PTPRK: variants seen among roughly 807,000 people sequenced by gnomAD.
The protein encoded by PTPRK is receptor-type tyrosine-protein phosphatase kappa.
A neutral mutation model predicts 178.0 loss-of-function variants in PTPRK; 75 were observed. That is an observed-to-expected ratio of 0.42 (90% CI 0.35 to 0.51). The LOEUF (loss-of-function observed/expected upper bound fraction) is 0.51, where lower values mean the gene tolerates loss of function less well. PTPRK is among the 20% of genes least tolerant of loss of function. The pLI is 0.02. For missense variants in PTPRK, 1,441 were observed against 1,797.8 expected, an observed-to-expected ratio of 0.80 and a Z score of 3.59; for synonymous variants, 637 against 620.6, an observed-to-expected ratio of 1.03 and a Z score of -0.39.
At position 128,005,195 on chromosome 6, in the gene PTPRK, T is replaced by C; in HGVS notation, c.2383A>G (p.Met795Val). 1.2e-6 allele frequency: 2 copies of C among 1,611,582 alleles called. No individual in the cohort carries two copies. The highest frequency in any genetic ancestry group is 1.7e-6 in the Non-Finnish European group (2 of 1,178,530). The change falls in exon 15 of 30, where the codon ATG becomes GTG. Residue 795 changes from methionine to valine, a missense_variant. By Grantham distance (21) the Met-to-Val change is conservative. This residue lies in a region of PTPRK where 945 missense variants were observed against 1,080.6 expected (regional missense o/e 0.87). Transcript: ENST00000368226. ...TCCATTGCATTCACCATGTGAGTCA[T>C]CTCCTGCCGGGTATTCCCCATGGCA... The part of the protein sequence containing the change: ...KDAMGNTRQE[M>V]THMVNAMDRS...
intron 3 of PTPRK, among the ~76,000 whole-genome samples, chr6:128,304,374 A>G (rs142575669): frequency 6.6e-6 from 1 of 152,334 alleles, no homozygotes; most frequent in African/African-American, 2.4e-5. Context: ...GTTTCATTAT[A>G]TCATACAGAA....
In PTPRK at chr6:127,977,047, C is replaced by T; in HGVS notation, c.3719G>A (p.Arg1240Lys). ...TGTGACGATGAAAGCAGCTGGTTGC[C>T]TGTAGCTCTGTGAAGAAACAAGGTA... ...YINAALMDSY[R>K]QPAAFIVTQY... Residue 1240 changes from arginine (R) to lysine (K), a missense_variant, in exon 26 of 30, where the codon AGG (arginine) becomes AAG (lysine). By Grantham distance (26) the Arg-to-Lys change is conservative. This residue lies in a region of PTPRK where 335 missense variants were observed against 512.4 expected (regional missense o/e 0.65). Transcript: ENST00000368226. The T allele has an allele frequency of 1.2e-6, 2 of 1,613,816 alleles. No individual in the cohort carries two copies. Among genetic ancestry groups the T allele is most frequent in the Non-Finnish European group, 1.7e-6 (2 of 1,179,842 alleles).
intron 7 of PTPRK, among the ~76,000 whole-genome samples, chr6:128,112,703 T>C (rs1409887313): frequency 6.6e-6 from 1 of 152,088 alleles, no homozygotes; most frequent in Non-Finnish European, 1.5e-5. Flanking sequence ...AAAATATCTC[T>C]AGGGGAAGAG....
chr6:128,456,883 G>A (rs1435724218), intron 1 of PTPRK, among the ~76,000 whole-genome samples: 2 of 152,012 alleles, frequency 1.3e-5, no homozygotes, highest in Non-Finnish European at 2.9e-5. Flanking sequence ...CCTCTTTAAA[G>A]GTAAGTCTAA....
chr6:128,324,729 C>T (rs753750489), intron 2 of PTPRK, among the ~76,000 whole-genome samples: 10 of 152,092 alleles, frequency 6.6e-5, no homozygotes, highest in Non-Finnish European at 1.3e-4. Flanking sequence ...AGGAAGAAAG[C>T]ACTAGCACCA....
intron 7 of PTPRK, among the ~76,000 whole-genome samples, chr6:128,115,857 T>C (rs1178414937): frequency 6.6e-6 from 1 of 152,060 alleles, no homozygotes; most frequent in Non-Finnish European, 1.5e-5. Context: ...TACATCCTTC[T>C]TTTACTCTCC....
At chr6:128,502,037 C>G (rs988673279) in intron 1 of PTPRK, among the ~76,000 whole-genome samples, 1 of 152,140 alleles carries the variant, frequency 6.6e-6, no homozygotes. Flanking sequence ...ATTGGGTGCT[C>G]TTGTGAGCCA....
intron 3 of PTPRK, among the ~76,000 whole-genome samples, chr6:128,284,567 A>G (rs2128304108): frequency 6.6e-6 from 1 of 152,330 alleles, no homozygotes; most frequent in African/African-American, 2.4e-5. Flanking sequence ...TTTGCAGCAA[A>G]ACTCCTAAAG....
chr6:128,319,016 CAT>C (rs1181668535), intron 3 of PTPRK, among the ~76,000 whole-genome samples: 1 of 152,094 alleles, frequency 6.6e-6, no homozygotes, highest in Non-Finnish European at 1.5e-5. Context: ...GTTCTGAACA[CAT>C]AGGTGAAAAA....
At chr6:128,038,268 G>A (rs1302619850) in intron 13 of PTPRK, among the ~76,000 whole-genome samples, 4 of 151,736 alleles carry the variant, frequency 2.6e-5, no homozygotes, top group African/African-American at 9.7e-5. Flanking sequence ...GATGACATTT[G>A]TCTTACTGTC....
At chr6:128,246,672 G>T (rs141885361) in intron 3 of PTPRK, among the ~76,000 whole-genome samples, 1,541 of 152,328 alleles carry the variant, frequency 0.01, 98 homozygotes, top group Admixed American at 0.093. Context: ...CTAATGCTCA[G>T]GTCAGATCTA....
At chr6:128,349,348 T>C (rs1254390999) in intron 2 of PTPRK, among the ~76,000 whole-genome samples, 2 of 152,094 alleles carry the variant, frequency 1.3e-5, no homozygotes, top group African/African-American at 4.8e-5. Flanking sequence ...CCCTGGATAG[T>C]GGTTTATAAT....
intron 7 of PTPRK, among the ~76,000 whole-genome samples, chr6:128,130,577 C>A (rs964845039): frequency 1.3e-5 from 2 of 152,122 alleles, no homozygotes; most frequent in East Asian, 1.9e-4. Flanking sequence ...TAGTCATTAT[C>A]GAGTGAAAGG....
intron 6 of PTPRK, among the ~76,000 whole-genome samples, chr6:128,213,400 C>CT (rs1808609917): frequency 6.6e-6 from 1 of 151,834 alleles, no homozygotes; most frequent in African/African-American, 2.4e-5. Context: ...GCTGCATGGG[C>CT]TTTTTTAAAT....
intron 1 of PTPRK, among the ~76,000 whole-genome samples, chr6:128,484,384 T>C (rs1852520780): frequency 6.6e-6 from 1 of 152,234 alleles, no homozygotes; most frequent in South Asian, 2.1e-4. Flanking sequence ...TTTGAAAACA[T>C]AATGCTTGCT....
chr6:128,082,432 C>T lies in PTPRK; in HGVS notation c.1777+5G>A. ...ATCCTATTTGTAATTTATTCATTTG[C>T]ATACCTGAGATATTGGTGGTGACAT... On this transcript the variant is annotated splice_donor_5th_base_variant and intron_variant, in intron 10 of 29. Transcript: ENST00000368226. 1 of 1,591,072 alleles carries T rather than the reference C, an allele frequency of 6.3e-7. No homozygotes were observed. Among genetic ancestry groups the T allele is most frequent in the Middle Eastern group, 1.7e-4 (1 of 6,010 alleles).
chr6:128,444,763 C>A (rs188924396), intron 1 of PTPRK, among the ~76,000 whole-genome samples: 1 of 152,072 alleles, frequency 6.6e-6, no homozygotes, highest in Admixed American at 6.6e-5. Flanking sequence ...GAAGTAGCTT[C>A]CTAAGGAGCT....
At chr6:128,487,245 C>T (rs1853072564) in intron 1 of PTPRK, among the ~76,000 whole-genome samples, 1 of 148,702 alleles carries the variant, frequency 6.7e-6, no homozygotes, top group African/African-American at 2.5e-5. Context: ...AGCTCAGGAA[C>T]CCACCTCCTG....
At chr6:128,157,102 G>C (rs1307723816) in intron 7 of PTPRK, among the ~76,000 whole-genome samples, 1 of 151,992 alleles carries the variant, frequency 6.6e-6, no homozygotes, top group East Asian at 1.9e-4. Flanking sequence ...ACTATGATGA[G>C]GCAGTTTATA....
Sources: allele counts gnomAD v4.1 joint callset (sites outside exome capture counted in the v4.1 genomes callset), GRCh38; gene constraint gnomAD v4.1.1; regional missense constraint gnomAD v4.1.1; transcripts MANE v1.5; gene names NCBI Gene and HGNC (gene_info 2026-07-23, HGNC 2026-07-21).